Variants in TINAG observed in about 807,000 individuals in gnomAD.
The protein encoded by TINAG is tubulointerstitial nephritis antigen.
In TINAG, 83 loss-of-function variants were observed where a neutral mutation model predicts 72.7. That is an observed-to-expected ratio of 1.14 (90% CI 0.96 to 1.37). TINAG has a LOEUF of 1.37. Ranked by LOEUF, TINAG falls within the 40% of genes most tolerant of loss-of-function variation. TINAG has a pLI of 0.00. For synonymous variants in TINAG, 234 were observed against 189.9 expected, an observed-to-expected ratio of 1.23 and a Z score of -1.91; for missense variants, 685 against 576.6, an observed-to-expected ratio of 1.19 and a Z score of -1.93.
At chr6:54,373,166 A>G (rs1358362082) in intron 9 of TINAG, among the ~76,000 whole-genome samples, 3 of 151,988 alleles carry the variant, frequency 2.0e-5, no homozygotes, top group East Asian at 3.9e-4. Flanking sequence ...ATATTGGTAT[A>G]ATGACCCAAC....
rs185594828 is a variant in TINAG at position 54,368,960 on chromosome 6, A to G, written c.1251-11566A>G. On this transcript the variant is annotated intron_variant, in intron 9 of 10. Coordinates refer to ENST00000259782, the MANE Select transcript of TINAG (RefSeq NM_014464.4). ...GGCTACATGTAGATATTTATGATAT[A>G]CAATATATGAAATATATTCAGATAT... 6.5e-4 allele frequency among the ~76,000 whole-genome samples: 99 copies of G among 151,968 alleles called. 1 individual carries two copies. Among genetic ancestry groups the G allele is most frequent in the African/African-American group, 2.2e-3 (91 of 41,556 alleles).
Position 54,337,944 on chromosome 6 carries a change from T to C in TINAG, c.625-5282T>C, listed in dbSNP as rs574568151. 6.6e-5 allele frequency among the ~76,000 whole-genome samples: 10 copies of C among 152,336 alleles called. No homozygotes were observed. The South Asian group carries it at 2.1e-3, about 32-fold the overall frequency. On this transcript the variant is annotated intron_variant, in intron 4 of 10. Coordinates refer to ENST00000259782, the MANE Select transcript of TINAG (RefSeq NM_014464.4). Reference sequence around the variant, plus strand: ...TAGGGAAAAGCCGAGGACAGAGTAGTATGATAGTCGTTCTTGCTGTCACTG... The same window carrying C: ...TAGGGAAAAGCCGAGGACAGAGTAGCATGATAGTCGTTCTTGCTGTCACTG...
chr6:54,375,291 G>A (rs1455534198), intron 9 of TINAG, among the ~76,000 whole-genome samples: 2 of 152,010 alleles, frequency 1.3e-5, no homozygotes, highest in East Asian at 1.9e-4. Context: ...TTTGTTCTTA[G>A]GCTTATTGTT....
rs557901837 is a variant in TINAG, at chr6:54,370,542, G to A, written c.1251-9984G>A. Reference sequence around the variant, plus strand: ...ACAAATTTTATTGAGTGATGGTTGTGTACCAGGCATCCTGCTAGTGCTGGA... The same window carrying A: ...ACAAATTTTATTGAGTGATGGTTGTATACCAGGCATCCTGCTAGTGCTGGA... On this transcript the variant is annotated intron_variant, in intron 9 of 10. Coordinates refer to ENST00000259782, the MANE Select transcript of TINAG (RefSeq NM_014464.4). Among the ~76,000 whole-genome samples, 11 of 152,170 alleles carry A rather than the reference G, an allele frequency of 7.2e-5. No homozygotes were observed. In the South Asian group the frequency reaches 2.3e-3, roughly 32 times the overall value.
At position 54,308,623 on chromosome 6, in the gene TINAG, T is replaced by G. The variant is rs34700914; in HGVS notation, c.73T>G (p.Ser25Ala). 2,542 of 1,613,780 alleles carry G rather than the reference T, an allele frequency of 1.6e-3. 38 individuals are homozygous for G. In the African/African-American group the frequency reaches 0.028, roughly 18 times the overall value. ...TEIWMEKQYL[S>A]QREVDLEAYF... is the part of the protein sequence containing the mutation. ...AATCTGGATGGAGAAGCAGTATTTATCTCAAAGAGAAGTGGACCTAGAGGC... is the reference window on the plus strand; with the variant it reads ...AATCTGGATGGAGAAGCAGTATTTAGCTCAAAGAGAAGTGGACCTAGAGGC... Residue 25 changes from serine (S) to alanine (A), a missense_variant, in exon 1 of 11, where the codon TCT (serine) becomes GCT (alanine). Physicochemically the swap from Ser to Ala is moderately conservative, Grantham distance 99. Coordinates refer to ENST00000259782, the MANE Select transcript of TINAG (RefSeq NM_014464.4).
intron 1 of TINAG, among the ~76,000 whole-genome samples, chr6:54,318,263 T>A (rs1039570689): frequency 1.8e-4 from 27 of 152,172 alleles, no homozygotes; most frequent in Admixed American, 1.6e-3. Context: ...CTACTTGATA[T>A]CTCTGTTAGG....
At chr6:54,316,793 C>T (rs1340736925) in intron 1 of TINAG, among the ~76,000 whole-genome samples, 2 of 152,080 alleles carry the variant, frequency 1.3e-5, no homozygotes, top group Non-Finnish European at 2.9e-5. Context: ...GAAGTTTAGA[C>T]CAGCACAGAT....
At chr6:54,381,042 A>G (rs867014902) in intron 10 of TINAG, among the ~76,000 whole-genome samples, 5 of 148,498 alleles carry the variant, frequency 3.4e-5, no homozygotes, top group Admixed American at 6.8e-5. Context: ...TGCTTATGTT[A>G]GTATCATATA....
intron 9 of TINAG, among the ~76,000 whole-genome samples, chr6:54,375,951 T>A (rs1266230069): frequency 6.6e-6 from 1 of 152,178 alleles, no homozygotes; most frequent in Non-Finnish European, 1.5e-5. Context: ...GGTAACCATC[T>A]TGGAGGACTG....
At chr6:54,366,692 G>A (rs996027413) in intron 9 of TINAG, among the ~76,000 whole-genome samples, 16 of 151,488 alleles carry the variant, frequency 1.1e-4, no homozygotes, top group Admixed American at 2.0e-4. Flanking sequence ...ATTGAGTAGC[G>A]AAGATGTGCA....
intron 7 of TINAG, 54 bp from the exon 8 acceptor site, chr6:54,351,298 G>T: frequency 6.7e-7 from 1 of 1,484,652 alleles, no homozygotes. Flanking sequence ...CCAATCAATG[G>T]GTTTAGTATG....
chr6:54,372,960 C>A (rs77749670), intron 9 of TINAG, among the ~76,000 whole-genome samples: 3 of 151,920 alleles, frequency 2.0e-5, no homozygotes, highest in Non-Finnish European at 4.4e-5. Flanking sequence ...AAGGAAAGGG[C>A]TACAGAAAAA....
intron 3 of TINAG, among the ~76,000 whole-genome samples, chr6:54,323,590 T>C (rs1784540042): frequency 6.6e-6 from 1 of 152,250 alleles, no homozygotes; most frequent in Non-Finnish European, 1.5e-5. Context: ...ATTCTCTGTA[T>C]TATTTTTTAA....
At chr6:54,358,248 T>C (rs1763116047) in intron 9 of TINAG, among the ~76,000 whole-genome samples, 1 of 151,842 alleles carries the variant, frequency 6.6e-6, no homozygotes, top group Admixed American at 6.6e-5. Context: ...ACCTGCTTTA[T>C]TTTTAAAAAT....
rs541293901 is a variant in TINAG, at chr6:54,368,302, T to C, written c.1251-12224T>C. ...ACATATTATATAATTATATGTTATA[T>C]ATTAAAGTAATTATTAAGTAATAAT... On this transcript the variant is annotated intron_variant, in intron 9 of 10. Coordinates refer to ENST00000259782, the MANE Select transcript of TINAG (RefSeq NM_014464.4). Among the ~76,000 whole-genome samples, 9 of 147,730 alleles carry C rather than the reference T, an allele frequency of 6.1e-5. No homozygotes were observed. In the East Asian group the frequency reaches 1.6e-3, roughly 26 times the overall value.
rs140218271 is a variant in TINAG, at chr6:54,352,062, T to C, written c.1126+665T>C. Among the ~76,000 whole-genome samples the C allele has an allele frequency of 2.5e-3, 377 of 151,986 alleles. 4 individuals carry two copies. The highest frequency in any genetic ancestry group is 5.0e-3 in the Admixed American group (76 of 15,204). Reference sequence around the variant, plus strand: ...TTTGCATCAATGACCTGAATAAGGGTATACTCACAGAATGTATTCCCTGTA... The same window carrying C: ...TTTGCATCAATGACCTGAATAAGGGCATACTCACAGAATGTATTCCCTGTA... On this transcript the variant is annotated intron_variant, in intron 8 of 10. Coordinates refer to ENST00000259782, the MANE Select transcript of TINAG (RefSeq NM_014464.4).
Position 54,386,101 on chromosome 6 carries a change from G to T in TINAG, c.1297-3690G>T, listed in dbSNP as rs191617973. Among the ~76,000 whole-genome samples, 10 of 152,060 alleles carry T rather than the reference G, an allele frequency of 6.6e-5. No homozygotes were observed. The East Asian group carries it at 1.9e-3, about 29-fold the overall frequency. ...GAGACGGGTTTCGCCATGTCGCCCA[G>T]GCTGGTCTCAAACTCCTGACTTCAG... On this transcript the variant is annotated intron_variant, in intron 10 of 10. Coordinates refer to ENST00000259782, the MANE Select transcript of TINAG (RefSeq NM_014464.4).
At position 54,343,310 on chromosome 6, in the gene TINAG, C is replaced by A. The variant is rs1785044350; in HGVS notation, c.709C>A (p.Gln237Lys). Residue 237 changes from glutamine (Q) to lysine (K), a missense_variant, in exon 5 of 11, where the codon CAA (glutamine) becomes AAA (lysine). Transcript: ENST00000259782. ...WPGWTHGPLDQKNCAASWAFS... is the reference protein window; with the variant it reads ...WPGWTHGPLDKKNCAASWAFS... ...TGGATGGACTCATGGCCCATTGGATCAAAAAAATTGTGCTGCATCCTGGGC... is the reference window on the plus strand; with the variant it reads ...TGGATGGACTCATGGCCCATTGGATAAAAAAAATTGTGCTGCATCCTGGGC... 5 of 1,565,442 alleles carry A rather than the reference C, an allele frequency of 3.2e-6. No individual in the cohort carries two copies. Among genetic ancestry groups the A allele is most frequent in the African/African-American group, 2.7e-5 (2 of 73,294 alleles).
intron 4 of TINAG, among the ~76,000 whole-genome samples, chr6:54,327,397 T>C (rs1328801702): frequency 6.6e-6 from 1 of 152,036 alleles, no homozygotes; most frequent in African/African-American, 2.4e-5. Context: ...GGGACTGTGT[T>C]GTGAGGGATG....
Sources: allele counts gnomAD v4.1 joint callset (sites outside exome capture counted in the v4.1 genomes callset), GRCh38; gene constraint gnomAD v4.1.1; transcripts MANE v1.5; gene names NCBI Gene and HGNC (gene_info 2026-07-23, HGNC 2026-07-21).